Variants in TMPRSS2 observed in about 807,000 individuals in gnomAD.
TMPRSS2 encodes transmembrane serine protease 2, also known as transmembrane protease serine 2.
A neutral mutation model predicts 67.4 loss-of-function variants in TMPRSS2; 59 were observed. That is an observed-to-expected ratio of 0.88 (90% confidence interval 0.71 to 1.09). TMPRSS2 has a LOEUF of 1.09. Among genes scored for constraint, TMPRSS2 ranks in the 50% least tolerant of loss-of-function variants. The pLI, the probability that TMPRSS2 is intolerant of heterozygous loss-of-function variation, is 0.00. For synonymous variants in TMPRSS2, 257 were observed against 257.0 expected, an observed-to-expected ratio of 1.00 and a Z score of 0.00; for missense variants, 668 against 642.7, an observed-to-expected ratio of 1.04 and a Z score of -0.43.
rs574176888 is a variant in TMPRSS2, at chr21:41,507,404, C to G, written c.-57+677G>C. The stretch of plus-strand genomic sequence containing the variant: ...GTGTCCAGGAGGCCCCGGCCCTGAT[C>G]GCCGCCAGCGGGTCGCCGCAACGGG... On this transcript the variant is annotated intron_variant, in intron 1 of 13. Coordinates refer to ENST00000332149, the MANE Select transcript of TMPRSS2 (RefSeq NM_005656.4). Among the ~76,000 whole-genome samples, 345 of 152,274 alleles carry G rather than the reference C, an allele frequency of 2.3e-3. 1 individual carries two copies. The highest frequency in any genetic ancestry group is 8.0e-3 in the African/African-American group (333 of 41,566).
chr21:41,501,695 G>A (rs943387913), intron 1 of TMPRSS2, among the ~76,000 whole-genome samples: 3 of 151,344 alleles, frequency 2.0e-5, no homozygotes, highest in Non-Finnish European at 4.4e-5. Context: ...GTCCCGCTCT[G>A]ACATTAGATC....
chr21:41,494,448 AC>A lies in TMPRSS2; in HGVS notation c.145del (p.Val49CysfsTer9). On this transcript the variant is annotated frameshift_variant, in exon 3 of 14. Coordinates refer to ENST00000332149, the MANE Select transcript of TMPRSS2 (RefSeq NM_005656.4). LOFTEE classifies it high-confidence loss of function. Reference protein sequence around the residue: ...VHPAQYYPSPVPQYAPRVLTQ... With the variant: ...VHPAQYYPSPXPQYAPRVLTQ... ...CAGGACCCTCGGGGCGTACTGGGGC[AC>A]GGGGGACGGGTAGTACTGAGCCGGA... is the stretch of plus-strand genomic sequence containing the variant. 9.3e-6 allele frequency: 15 copies of A among 1,613,786 alleles called. No individual in the cohort carries two copies. The highest frequency in any genetic ancestry group is 1.3e-5 in the African/African-American group (1 of 75,018).
chr21:41,496,578 T>G (rs1264885623), intron 2 of TMPRSS2, among the ~76,000 whole-genome samples: 1 of 152,190 alleles, frequency 6.6e-6, no homozygotes, highest in African/African-American at 2.4e-5. Flanking sequence ...GGTGCCTATC[T>G]TCTTAGAATG....
intron 11 of TMPRSS2, 105 bp from the exon 12 acceptor site, chr21:41,468,643 C>A: frequency 2.2e-6 from 3 of 1,352,590 alleles, no homozygotes; most frequent in Non-Finnish European, 3.0e-6. Context: ...CAGATGGTCA[C>A]AGCCCTATTT....
At chr21:41,475,619 AGG>A (rs2091204079) in intron 8 of TMPRSS2, among the ~76,000 whole-genome samples, 1 of 15,384 alleles carries the variant, frequency 6.5e-5, no homozygotes. Flanking sequence ...GGAGGTGAGG[AGG>A]TGAGTGAGGG....
intron 11 of TMPRSS2, among the ~76,000 whole-genome samples, chr21:41,469,231 C>G (rs1212394762): frequency 2.6e-5 from 4 of 152,184 alleles, no homozygotes; most frequent in South Asian, 4.1e-4. Context: ...TTCTCACTCT[C>G]TCTCCCACAG....
intron 5 of TMPRSS2, among the ~76,000 whole-genome samples, chr21:41,484,211 C>T (rs909859645): frequency 1.3e-5 from 2 of 152,300 alleles, no homozygotes; most frequent in Admixed American, 1.3e-4. Flanking sequence ...GTTAACATGT[C>T]CACCACGTCA....
At chr21:41,487,147 T>C (rs1569020836) in intron 5 of TMPRSS2, 1 of 152,356 alleles carries the variant, frequency 6.6e-6, no homozygotes, top group East Asian at 1.9e-4. Flanking sequence ...TAAGAGTCCA[T>C]CAGTGAATGA....
intron 3 of TMPRSS2, among the ~76,000 whole-genome samples, chr21:41,493,596 T>C (rs1255271605): frequency 6.6e-6 from 1 of 152,234 alleles, no homozygotes; most frequent in Non-Finnish European, 1.5e-5. Context: ...AAAAGATCAA[T>C]GTAAAAGATC....
chr21:41,476,337 C>T (rs186097675), intron 8 of TMPRSS2, among the ~76,000 whole-genome samples: 8 of 152,284 alleles, frequency 5.3e-5, no homozygotes, highest in Admixed American at 5.2e-4. Flanking sequence ...GCTTTGTCAG[C>T]TTCTTGAGCG....
At chr21:41,470,789 A>AAGGCC in intron 10 of TMPRSS2, 46 bp from the exon 11 acceptor site, 1 of 1,529,180 alleles carries the variant, frequency 6.5e-7, no homozygotes. Context: ...GGTATCACCT[A>AAGGCC]TGTCTCCACC....
Position 41,464,871 on chromosome 21 carries a change from C to T in TMPRSS2, c.*1271G>A, listed in dbSNP as rs949655599. On this transcript the variant is annotated 3_prime_UTR_variant, in exon 14 of 14. Transcript: ENST00000332149. ...GTCCTAGCTGTAGAATCATTCATTT[C>T]ATTCTTGCAAACCAGCCTGCTTGGC... 2 of 233,182 alleles carry T rather than the reference C, an allele frequency of 8.6e-6. No homozygotes were observed. The highest frequency in any genetic ancestry group is 4.4e-5 in the African/African-American group (2 of 45,340). The allele number at this position is 233,182 out of a possible 1,614,324, so 14.4% of individuals were successfully genotyped here.
chr21:41,502,935 GA>G (rs1292581184), intron 1 of TMPRSS2, among the ~76,000 whole-genome samples: 1 of 152,002 alleles, frequency 6.6e-6, no homozygotes, highest in Non-Finnish European at 1.5e-5. Flanking sequence ...AGCTTACAAA[GA>G]CAGTATTTAA....
chr21:41,483,470 C>T (rs779608289), intron 5 of TMPRSS2, among the ~76,000 whole-genome samples: 43 of 151,964 alleles, frequency 2.8e-4, no homozygotes, highest in Non-Finnish European at 5.3e-4. Flanking sequence ...TTAGTAGAGA[C>T]GGGGTTTCTC....
intron 8 of TMPRSS2, 84 bp downstream of exon 8, chr21:41,476,493 C>G (rs2091214309): frequency 2.1e-6 from 3 of 1,413,672 alleles, no homozygotes; most frequent in Non-Finnish European, 3.0e-6. Context: ...TCCCACGCCC[C>G]CAGAGACACA....
At chr21:41,468,599 C>G in intron 11 of TMPRSS2, 61 bp from the exon 12 acceptor site, 1 of 1,581,254 alleles carries the variant, frequency 6.3e-7, no homozygotes, top group African/African-American at 1.3e-5. Context: ...AGGGAGAGCA[C>G]ACTTCCCTCC....
Position 41,479,230 on chromosome 21 carries a change from A to T in TMPRSS2, c.625T>A (p.Phe209Ile), listed in dbSNP as rs150554820. 519 of 1,614,066 alleles carry T rather than the reference A, an allele frequency of 3.2e-4. 1 individual carries two copies. Among genetic ancestry groups the T allele is most frequent in the Middle Eastern group, 9.9e-4 (6 of 6,062 alleles). Residue 209 changes from phenylalanine (F) to isoleucine (I), a missense_variant, in exon 7 of 14, where the codon TTT becomes ATT. Phe to Ile is a conservative substitution (Grantham distance 21). Transcript: ENST00000332149. Reference protein sequence around the residue: ...GIVDDSGSTSFMKLNTSAGNV... With the variant: ...GIVDDSGSTSIMKLNTSAGNV... ...CCGGCACTTGTGTTCAGTTTCATAA[A>T]GCTGGTGGATCCGCTGTCATCCACT...
chr21:41,494,796 T>C lies in TMPRSS2; in HGVS notation c.16-218A>G, dbSNP rs547701911. On this transcript the variant is annotated intron_variant, in intron 2 of 13. Coordinates refer to ENST00000332149, the MANE Select transcript of TMPRSS2 (RefSeq NM_005656.4). ...ATTAAAAAGGTACTACAAGGCTGGGTGCGGTGGCTCATGCCTGTAATCCCA... is the reference window on the plus strand; with the variant it reads ...ATTAAAAAGGTACTACAAGGCTGGGCGCGGTGGCTCATGCCTGTAATCCCA... The C allele has an allele frequency of 1.3e-3, 804 of 612,186 alleles. 1 individual carries two copies. The highest frequency in any genetic ancestry group is 2.0e-3 in the Non-Finnish European group (696 of 347,550). The allele number at this position is 612,186 out of a possible 1,614,324, so 37.9% of individuals were successfully genotyped here.
In TMPRSS2 at chr21:41,465,524, G is replaced by A. The variant is rs2091076528; in HGVS notation, c.*618C>T. On this transcript the variant is annotated 3_prime_UTR_variant, in exon 14 of 14. Coordinates refer to ENST00000332149, the MANE Select transcript of TMPRSS2 (RefSeq NM_005656.4). The stretch of plus-strand genomic sequence containing the variant: ...TTTTCAATTGCTTCCCTCGCACCAA[G>A]GGCACTGTCTATATTCTCACCCCAT... 1 of 233,220 alleles carries A rather than the reference G, an allele frequency of 4.3e-6. No individual in the cohort carries two copies. Among genetic ancestry groups the A allele is most frequent in the Non-Finnish European group, 8.5e-6 (1 of 118,110 alleles). 14.4% of individuals were successfully genotyped at this position (233,220 alleles called of 1,614,324 possible). A position where few individuals can be genotyped will look rare whatever the true frequency, so the allele number is the denominator to read the frequency against.
Sources: allele counts gnomAD v4.1 joint callset (sites outside exome capture counted in the v4.1 genomes callset), GRCh38; gene constraint gnomAD v4.1.1; transcripts MANE v1.5; gene names NCBI Gene and HGNC (gene_info 2026-07-23, HGNC 2026-07-21).